TYW1: variants seen among roughly 807,000 people sequenced by gnomAD.
The protein encoded by TYW1 is S-adenosyl-L-methionine-dependent tRNA 4-demethylwyosine synthase TYW1.
TYW1 carries 46 observed loss-of-function variants against 96.2 expected under a neutral mutation model. That is an observed-to-expected ratio of 0.48 (90% CI 0.38 to 0.61). The LOEUF (loss-of-function observed/expected upper bound fraction) is 0.61. Ranked by LOEUF, TYW1 falls within the 20% of genes least tolerant of loss-of-function variation. The pLI is 0.00. For missense variants in TYW1, 684 were observed against 909.6 expected (o/e 0.75, Z 3.19); for synonymous variants, 274 against 323.0 (o/e 0.85, Z 1.63).
intron 3 of TYW1, among the ~76,000 whole-genome samples, chr7:67,000,784 G>T (rs1377812988): frequency 6.6e-6 from 1 of 152,266 alleles, no homozygotes. Context: ...TTTAAGGAAG[G>T]CTAGCATGAA....
intron 6 of TYW1, 40 bp from the exon 7 acceptor site, chr7:67,024,860 C>A (rs1275771374): frequency 6.2e-7 from 1 of 1,609,046 alleles, no homozygotes; most frequent in Admixed American, 1.7e-5. Flanking sequence ...TTTGCCTTTG[C>A]CCCTTTGAAC....
chr7:67,119,167 G>A (rs187174478), intron 13 of TYW1, among the ~76,000 whole-genome samples: 133 of 151,222 alleles, frequency 8.8e-4, no homozygotes, highest in African/African-American at 3.0e-3. Context: ...TTTTCTAAGC[G>A]TTCTTTATGC....
chr7:67,090,761 T>C (rs1048047692), intron 11 of TYW1, among the ~76,000 whole-genome samples: 2 of 152,226 alleles, frequency 1.3e-5, no homozygotes, highest in African/African-American at 4.8e-5. Flanking sequence ...GCTGTTGAAA[T>C]GTCCTGTGTC....
intron 11 of TYW1, among the ~76,000 whole-genome samples, chr7:67,088,366 C>A (rs1216122054): frequency 6.6e-6 from 1 of 150,730 alleles, no homozygotes. Context: ...AAAAAAAAAA[C>A]CCTAATTAGT....
chr7:67,063,570 A>G (rs1795761171), intron 9 of TYW1, among the ~76,000 whole-genome samples: 1 of 151,834 alleles, frequency 6.6e-6, no homozygotes, highest in African/African-American at 2.4e-5. Flanking sequence ...GCAAGGTTAC[A>G]GGATACAATA....
intron 13 of TYW1, among the ~76,000 whole-genome samples, chr7:67,132,135 G>A (rs1306547801): frequency 7.1e-6 from 1 of 141,750 alleles, no homozygotes; most frequent in Non-Finnish European, 1.5e-5. Context: ...CATCACACAG[G>A]GTCTTGCTCT....
At chr7:67,189,120 T>A (rs1382556667) in intron 14 of TYW1, among the ~76,000 whole-genome samples, 1 of 152,214 alleles carries the variant, frequency 6.6e-6, no homozygotes, top group African/African-American at 2.4e-5. Context: ...CTATCTACCC[T>A]GTGTGCAGTT....
chr7:67,152,592 T>A (rs150203037), intron 13 of TYW1, among the ~76,000 whole-genome samples: 194 of 152,118 alleles, frequency 1.3e-3, no homozygotes, highest in African/African-American at 4.5e-3. Flanking sequence ...ATATTCACAG[T>A]TTTTTGTTTT....
intron 15 of TYW1, among the ~76,000 whole-genome samples, chr7:67,198,550 CA>C (rs35164931): frequency 0.41 from 54,423 of 133,520 alleles, 10,379 homozygotes; most frequent in African/African-American, 0.53. Flanking sequence ...GACTCCATCT[CA>C]AAAAAAAAAA....
chr7:67,154,153 A>T (rs931995177), intron 13 of TYW1, among the ~76,000 whole-genome samples: 6 of 151,946 alleles, frequency 3.9e-5, no homozygotes, highest in African/African-American at 1.4e-4. Flanking sequence ...TGATCTCCTG[A>T]CCTCATGATC....
At chr7:67,025,086 T>C in intron 7 of TYW1, 64 bp downstream of exon 7, 1 of 1,595,644 alleles carries the variant, frequency 6.3e-7, no homozygotes, top group South Asian at 1.1e-5. Context: ...AGTATTTCTT[T>C]ATTACTGTGT....
At chr7:67,055,234 G>A (rs1355876514) in intron 8 of TYW1, among the ~76,000 whole-genome samples, 1 of 152,040 alleles carries the variant, frequency 6.6e-6, no homozygotes, top group Non-Finnish European at 1.5e-5. Flanking sequence ...GAGCTTTACC[G>A]AGTTTTTACC....
chr7:67,137,970 T>G (rs1253412749), intron 13 of TYW1, among the ~76,000 whole-genome samples: 3 of 152,152 alleles, frequency 2.0e-5, no homozygotes, highest in Non-Finnish European at 4.4e-5. Context: ...AAAAAGAGTT[T>G]TGGACTAAGA....
At chr7:67,208,891 A>G (rs1800905699) in intron 15 of TYW1, among the ~76,000 whole-genome samples, 2 of 152,218 alleles carry the variant, frequency 1.3e-5, no homozygotes, top group East Asian at 1.9e-4. Context: ...GTGCAGTGAT[A>G]TTGTCATTGT....
chr7:67,085,497 T>TC lies in TYW1; in HGVS notation c.1384+1962dup, dbSNP rs567704332. Among the ~76,000 whole-genome samples the TC allele has an allele frequency of 1.4e-3, 210 of 152,268 alleles. 1 individual carries two copies. Among genetic ancestry groups the TC allele is most frequent in the African/African-American group, 4.8e-3 (198 of 41,552 alleles). On this transcript the variant is annotated intron_variant, in intron 11 of 15. Coordinates refer to ENST00000359626, the MANE Select transcript of TYW1 (RefSeq NM_018264.4). ...CTGTGATTGTAAATTTCCTGTGGCC[T>TC]CCCCAGCCATGCTGAACTGCGAATC...
intron 13 of TYW1, among the ~76,000 whole-genome samples, chr7:67,177,090 C>G (rs1417101046): frequency 6.6e-6 from 1 of 152,158 alleles, no homozygotes; most frequent in Non-Finnish European, 1.5e-5. Flanking sequence ...ATCAGTGGAA[C>G]AGAATAGAAA....
intron 7 of TYW1, among the ~76,000 whole-genome samples, chr7:67,045,825 C>T (rs919099237): frequency 2.0e-5 from 3 of 152,042 alleles, no homozygotes; most frequent in Admixed American, 6.6e-5. Flanking sequence ...TGCCATTGTC[C>T]CTTAGGAGAA....
intron 15 of TYW1, among the ~76,000 whole-genome samples, chr7:67,204,599 CTT>C (rs61194637): frequency 7.5e-6 from 1 of 133,004 alleles, no homozygotes. Flanking sequence ...TTCTTCTTTT[CTT>C]TTTTTTTTTG....
At chr7:67,015,145 G>A (rs909715621) in intron 5 of TYW1, among the ~76,000 whole-genome samples, 1 of 151,896 alleles carries the variant, frequency 6.6e-6, no homozygotes, top group Non-Finnish European at 1.5e-5. Flanking sequence ...GGGATTACAG[G>A]CACCCACCAC....
Sources: gnomAD v4.1 joint callset for allele counts (sites outside exome capture counted in the v4.1 genomes callset) on GRCh38, gnomAD v4.1.1 for gene constraint, MANE v1.5 for transcripts, NCBI Gene and HGNC (gene_info 2026-07-23, HGNC 2026-07-21) for gene names.